The following PTPRG variants were observed in gnomAD, a reference collection of about 807,000 sequenced individuals.
PTPRG encodes the protein receptor-type tyrosine-protein phosphatase gamma.
A neutral mutation model predicts 165.3 loss-of-function variants in PTPRG; 102 were observed. That is an observed-to-expected ratio of 0.62 (90% CI 0.53 to 0.73). The LOEUF (loss-of-function observed/expected upper bound fraction) is 0.73, where lower values mean the gene tolerates loss of function less well. Among genes scored for constraint, PTPRG ranks in the 30% least tolerant of loss-of-function variants. PTPRG has a pLI of 0.00. For synonymous variants in PTPRG, 675 were observed against 669.5 expected, an observed-to-expected ratio of 1.01 and a Z score of -0.13; for missense variants, 1,866 against 1,861.4, an observed-to-expected ratio of 1.00 and a Z score of -0.05.
intron 4 of PTPRG, among the ~76,000 whole-genome samples, chr3:62,070,838 G>C (rs572828854): frequency 6.6e-6 from 1 of 151,720 alleles, no homozygotes; most frequent in Non-Finnish European, 1.5e-5. Context: ...GTTCCCACTG[G>C]CAGGTTAACA....
At chr3:61,746,548 T>A (rs1484500677) in intron 1 of PTPRG, among the ~76,000 whole-genome samples, 1 of 152,094 alleles carries the variant, frequency 6.6e-6, no homozygotes, top group African/African-American at 2.4e-5. Context: ...GGTTCTAATT[T>A]TAAGGTCCTC....
At chr3:61,951,169 A>G (rs4688276) in intron 2 of PTPRG, among the ~76,000 whole-genome samples, 52,277 of 152,124 alleles carry the variant, frequency 0.34, 10,261 homozygotes, top group East Asian at 0.52. Context: ...CTGATCTTTC[A>G]TGTTAGAAAA....
At chr3:62,042,822 A>G (rs1186874162) in intron 4 of PTPRG, among the ~76,000 whole-genome samples, 1 of 152,188 alleles carries the variant, frequency 6.6e-6, no homozygotes, top group Admixed American at 6.5e-5. Context: ...GTGTTCAGTA[A>G]AGATTAATTC....
intron 12 of PTPRG, among the ~76,000 whole-genome samples, chr3:62,204,719 A>T (rs1700183783): frequency 6.6e-6 from 1 of 152,182 alleles, no homozygotes; most frequent in Non-Finnish European, 1.5e-5. Flanking sequence ...CTTGCCCAAG[A>T]AATACGGCCC....
intron 4 of PTPRG, among the ~76,000 whole-genome samples, chr3:62,051,013 G>T (rs932697502): frequency 9.2e-5 from 14 of 152,298 alleles, no homozygotes; most frequent in African/African-American, 3.1e-4. Context: ...GAAAAGAATT[G>T]TTATCCAAAG....
intron 2 of PTPRG, among the ~76,000 whole-genome samples, chr3:61,799,170 A>T (rs1184218090): frequency 6.6e-6 from 1 of 152,170 alleles, no homozygotes; most frequent in African/African-American, 2.4e-5. Flanking sequence ...AAATTCTATT[A>T]TGAAAATAAA....
intron 4 of PTPRG, among the ~76,000 whole-genome samples, chr3:62,035,419 G>T (rs1242601441): frequency 6.6e-6 from 1 of 152,204 alleles, no homozygotes; most frequent in East Asian, 1.9e-4. Context: ...TTTCAGAGTA[G>T]TTCTAACAAT....
chr3:62,276,901 C>A, intron 24 of PTPRG, 71 bp from the exon 25 acceptor site: 1 of 1,180,204 alleles, frequency 8.5e-7, no homozygotes, highest in Non-Finnish European at 1.3e-6. Flanking sequence ...TCAAGCAAAT[C>A]TCAGAAAGAG....
rs35133425 is a variant in PTPRG, at chr3:62,186,567, C to CTTTTTTTTTTTTTTT, written c.1034-4899_1034-4885dup. The stretch of plus-strand genomic sequence containing the variant: ...GTTGAAGCTGGATTTTTTTCTTTTC[C>CTTTTTTTTTTTTTTT]TTTTTTTTTTTTTTTTTGAGATAGG... On this transcript the variant is annotated intron_variant, in intron 8 of 29. Coordinates refer to ENST00000474889, the MANE Select transcript of PTPRG (RefSeq NM_002841.4). 9.9e-4 allele frequency among the ~76,000 whole-genome samples: 116 copies of CTTTTTTTTTTTTTTT among 117,484 alleles called. 2 individuals are homozygous for CTTTTTTTTTTTTTTT. Among genetic ancestry groups the CTTTTTTTTTTTTTTT allele is most frequent in the Non-Finnish European group, 1.4e-3 (80 of 59,034 alleles). The allele number at this position is 117,484 out of a possible 152,430, so 77.1% of individuals were successfully genotyped here.
At chr3:61,576,471 A>G (rs1175497614) in intron 1 of PTPRG, among the ~76,000 whole-genome samples, 1 of 152,230 alleles carries the variant, frequency 6.6e-6, no homozygotes, top group Non-Finnish European at 1.5e-5. Context: ...GTTTTTCTAC[A>G]GAGGAATTGG....
chr3:61,645,691 A>G (rs1702181495), intron 1 of PTPRG, among the ~76,000 whole-genome samples: 1 of 152,232 alleles, frequency 6.6e-6, no homozygotes, highest in Admixed American at 6.5e-5. Context: ...CCTATGGACC[A>G]TACAATCTTT....
At chr3:62,238,141 C>T (rs1225971748) in intron 14 of PTPRG, among the ~76,000 whole-genome samples, 1 of 152,232 alleles carries the variant, frequency 6.6e-6, no homozygotes, top group African/African-American at 2.4e-5. Context: ...AAAATGCTTA[C>T]TCTGTGAGAG....
intron 1 of PTPRG, among the ~76,000 whole-genome samples, chr3:61,736,579 C>A (rs1329078924): frequency 1.3e-5 from 2 of 152,060 alleles, no homozygotes; most frequent in Non-Finnish European, 2.9e-5. Context: ...GTTCATTAGG[C>A]ATTTGACCAA....
intron 5 of PTPRG, among the ~76,000 whole-genome samples, chr3:62,085,598 AGGGTTCCTCTATGATAGTT>A (rs1344374181): frequency 1.3e-5 from 2 of 152,058 alleles, no homozygotes; most frequent in Non-Finnish European, 1.5e-5. Context: ...TTTCTTTACT[AGGGTTCCTCTATGATAGTT>A]GATGAGTTAG....
intron 8 of PTPRG, among the ~76,000 whole-genome samples, chr3:62,172,698 T>C (rs1508401): frequency 0.26 from 40,255 of 152,116 alleles, 5,814 homozygotes; most frequent in African/African-American, 0.37. Context: ...AGCCAAAGCA[T>C]GGAACAAGTC....
intron 4 of PTPRG, among the ~76,000 whole-genome samples, chr3:62,013,177 ATT>A (rs946603013): frequency 3.3e-5 from 5 of 152,172 alleles, no homozygotes; most frequent in African/African-American, 4.8e-5. Flanking sequence ...ATTCCAAAAT[ATT>A]GTTTTAACAT....
In PTPRG at chr3:62,137,131, A is replaced by G. The variant is rs146201967; in HGVS notation, c.682+4463A>G. ...AGATGGAAGCACTAAAAGGTATCTA[A>G]TCAAGTATTTTATTTGCCCTATTAT... On this transcript the variant is annotated intron_variant, in intron 6 of 29. Transcript: ENST00000474889. Among the ~76,000 whole-genome samples, 165 of 152,320 alleles carry G rather than the reference A, an allele frequency of 1.1e-3. 2 individuals are homozygous for G. Among genetic ancestry groups the G allele is most frequent in the African/African-American group, 3.9e-3 (161 of 41,576 alleles).
intron 5 of PTPRG, among the ~76,000 whole-genome samples, chr3:62,120,884 G>A (rs981606898): frequency 6.6e-6 from 1 of 152,108 alleles, no homozygotes; most frequent in Non-Finnish European, 1.5e-5. Context: ...TTGGAACTTT[G>A]TGTGTTCCTG....
chr3:61,611,056 C>T (rs1443499826), intron 1 of PTPRG, among the ~76,000 whole-genome samples: 1 of 152,188 alleles, frequency 6.6e-6, no homozygotes, highest in Non-Finnish European at 1.5e-5. Context: ...CCTGTCTTGG[C>T]CTCCCAAAGT....
Sources: gnomAD v4.1 joint callset for allele counts (sites outside exome capture counted in the v4.1 genomes callset) on GRCh38, gnomAD v4.1.1 for gene constraint, MANE v1.5 for transcripts, NCBI Gene and HGNC (gene_info 2026-07-23, HGNC 2026-07-21) for gene names.